OLA1: variants seen among roughly 807,000 people sequenced by gnomAD.
The protein encoded by OLA1 is obg-like ATPase 1.
In OLA1, 14 loss-of-function variants were observed where a neutral mutation model predicts 48.4. The ratio of observed to expected loss-of-function variants is 0.29; its 90% CI spans 0.19 to 0.45. The LOEUF is 0.45. Ranked by LOEUF, OLA1 falls within the 20% of genes least tolerant of loss-of-function variation. The probability of loss-of-function intolerance (pLI) is 1.00; values close to 1 mark genes in which losing one functional copy is unlikely to be tolerated. For missense variants in OLA1, 325 were observed against 467.1 expected (o/e 0.70, Z 2.80); for synonymous variants, 127 against 150.4 (o/e 0.84, Z 1.14).
At chr2:174,095,347 T>TGTTG (rs1553478285) in intron 7 of OLA1, among the ~76,000 whole-genome samples, 2 of 119,544 alleles carry the variant, frequency 1.7e-5, no homozygotes, top group Non-Finnish European at 3.3e-5. Flanking sequence ...TTTTTTTTTT[T>TGTTG]TTGTTGTTGT....
At chr2:174,125,220 C>T (rs1686020066) in intron 5 of OLA1, among the ~76,000 whole-genome samples, 1 of 152,150 alleles carries the variant, frequency 6.6e-6, no homozygotes. Context: ...TAATGTAGAC[C>T]ATTTTTATTC....
intron 3 of OLA1, among the ~76,000 whole-genome samples, chr2:174,226,996 G>A (rs1347253833): frequency 1.3e-5 from 2 of 151,992 alleles, no homozygotes; most frequent in African/African-American, 2.4e-5. Flanking sequence ...AGGCTGAGGT[G>A]AGAGAATCAT....
intron 5 of OLA1, among the ~76,000 whole-genome samples, chr2:174,132,062 T>G (rs1686195164): frequency 6.6e-6 from 1 of 152,058 alleles, no homozygotes; most frequent in African/African-American, 2.4e-5. Flanking sequence ...ACTATTTACA[T>G]TTTTTATTTC....
At chr2:174,197,106 C>A (rs986613513) in intron 4 of OLA1, among the ~76,000 whole-genome samples, 1 of 152,082 alleles carries the variant, frequency 6.6e-6, no homozygotes, top group Non-Finnish European at 1.5e-5. Flanking sequence ...ATGGAGAAGA[C>A]CTTGTGCAGT....
intron 3 of OLA1, among the ~76,000 whole-genome samples, chr2:174,226,987 G>A (rs780205445): frequency 1.3e-5 from 2 of 152,204 alleles, no homozygotes; most frequent in African/African-American, 2.4e-5. Context: ...CTACTCAGGA[G>A]GCTGAGGTGA....
rs944934905 is a variant in OLA1 at position 174,194,380 on chromosome 2, G to C, written c.373+28653C>G. 5.3e-5 allele frequency among the ~76,000 whole-genome samples: 8 copies of C among 152,196 alleles called. No homozygotes were observed. The East Asian group carries it at 1.5e-3, about 29-fold the overall frequency. ...TTCTAGCTGAACTCTTCTCACTGGT[G>C]TCCCGTTGTGTCTATCCAAGTTGAG... On this transcript the variant is annotated intron_variant, in intron 4 of 10. Transcript: ENST00000284719.
chr2:174,103,369 C>T (rs773565981), intron 7 of OLA1, among the ~76,000 whole-genome samples: 13 of 152,136 alleles, frequency 8.5e-5, no homozygotes, highest in Non-Finnish European at 1.3e-4. Flanking sequence ...GTTTGAACAA[C>T]GACATGCCCA....
intron 4 of OLA1, among the ~76,000 whole-genome samples, chr2:174,170,584 T>A: frequency 6.6e-6 from 1 of 152,218 alleles, no homozygotes; most frequent in East Asian, 1.9e-4. Context: ...TCATATGTTC[T>A]GTATAAGAGA....
At chr2:174,247,086 T>A (rs1689141385) in intron 1 of OLA1, 1 of 223,330 alleles carries the variant, frequency 4.5e-6, no homozygotes, top group Non-Finnish European at 8.8e-6. Context: ...CCGGGCACGG[T>A]GGCTCAGGCC....
chr2:174,094,175 G>A (rs540854146), intron 7 of OLA1, among the ~76,000 whole-genome samples: 8 of 152,284 alleles, frequency 5.3e-5, no homozygotes, highest in African/African-American at 7.2e-5. Flanking sequence ...GAGACTGGCT[G>A]AAACTGCAGG....
At chr2:174,103,015 T>C (rs141285275) in intron 7 of OLA1, among the ~76,000 whole-genome samples, 1 of 152,016 alleles carries the variant, frequency 6.6e-6, no homozygotes, top group Non-Finnish European at 1.5e-5. Flanking sequence ...AAATGAGCAG[T>C]AGTGTGAAAG....
chr2:174,241,379 G>A (rs1433335860), intron 2 of OLA1, among the ~76,000 whole-genome samples: 1 of 152,228 alleles, frequency 6.6e-6, no homozygotes, highest in African/African-American at 2.4e-5. Context: ...ATACAATGGT[G>A]ATAATTCTCT....
intron 4 of OLA1, among the ~76,000 whole-genome samples, chr2:174,154,561 G>A (rs1485254693): frequency 6.6e-6 from 1 of 151,630 alleles, no homozygotes; most frequent in Admixed American, 6.6e-5. Flanking sequence ...CATTTACAAG[G>A]CAATTCTAGA....
intron 4 of OLA1, among the ~76,000 whole-genome samples, chr2:174,192,183 C>A (rs1687790974): frequency 6.6e-6 from 1 of 152,144 alleles, no homozygotes; most frequent in Admixed American, 6.5e-5. Context: ...TTTCATTAAT[C>A]TGAGTCCACC....
intron 7 of OLA1, among the ~76,000 whole-genome samples, chr2:174,113,296 C>T (rs969588448): frequency 3.3e-5 from 5 of 152,086 alleles, no homozygotes; most frequent in African/African-American, 1.2e-4. Context: ...AAAGTTAAAT[C>T]CTGTTTATCA....
At chr2:174,152,301 C>G (rs981939741) in intron 4 of OLA1, among the ~76,000 whole-genome samples, 89 of 151,966 alleles carry the variant, frequency 5.9e-4, no homozygotes, top group Non-Finnish European at 9.0e-4. Flanking sequence ...ACTCAGGAGG[C>G]TGAGGCAGGA....
At chr2:174,161,776 C>G (rs1271210954) in intron 4 of OLA1, among the ~76,000 whole-genome samples, 1 of 150,964 alleles carries the variant, frequency 6.6e-6, no homozygotes, top group East Asian at 1.9e-4. Flanking sequence ...GGTAACCAAA[C>G]AAAGTAGTCG....
chr2:174,236,184 T>C (rs1404546233), intron 2 of OLA1, among the ~76,000 whole-genome samples: 2 of 151,846 alleles, frequency 1.3e-5, no homozygotes, highest in Non-Finnish European at 2.9e-5. Flanking sequence ...GAAATATATA[T>C]ACCAAAATCA....
At chr2:174,202,038 C>A (rs1318430970) in intron 4 of OLA1, among the ~76,000 whole-genome samples, 14 of 151,478 alleles carry the variant, frequency 9.2e-5, no homozygotes, top group Non-Finnish European at 2.9e-5. Flanking sequence ...TGAAGATTTG[C>A]AAGTTTGAAA....
Sources: allele counts gnomAD v4.1 joint callset (sites outside exome capture counted in the v4.1 genomes callset), GRCh38; gene constraint gnomAD v4.1.1; transcripts MANE v1.5; gene names NCBI Gene and HGNC (gene_info 2026-07-23, HGNC 2026-07-21).